IFI16: variants seen among roughly 807,000 people sequenced by gnomAD.
IFI16 encodes interferon gamma inducible protein 16, also known as gamma-interferon-inducible protein 16.
In IFI16, 49 loss-of-function variants were observed where a neutral mutation model predicts 68.4. That is an observed-to-expected ratio of 0.72 (90% CI 0.57 to 0.91). The LOEUF (loss-of-function observed/expected upper bound fraction) is 0.91. Among genes scored for constraint, IFI16 ranks in the 40% least tolerant of loss-of-function variants. The pLI, the probability that IFI16 is intolerant of heterozygous loss-of-function variation, is 0.00. For synonymous variants in IFI16, 307 were observed against 315.0 expected, an observed-to-expected ratio of 0.97 and a Z score of 0.27; for missense variants, 878 against 942.9, an observed-to-expected ratio of 0.93 and a Z score of 0.90.
chr1:159,017,758 C>T (rs1242234564), intron 4 of IFI16, among the ~76,000 whole-genome samples: 1 of 152,138 alleles, frequency 6.6e-6, no homozygotes, highest in Non-Finnish European at 1.5e-5. Flanking sequence ...CAAGCGCCTG[C>T]CACTACACTC....
Position 159,016,580 on chromosome 1 carries a change from G to T in IFI16, c.429G>T (p.Lys143Asn), listed in dbSNP as rs1311408005. ...AAAAGGCTGGACCCAAAGGGAGTAA[G>T]GTGTCCGAGGAACAGACTCAGCCTC... is the stretch of plus-strand genomic sequence containing the variant. ...TKEKAGPKGSKVSEEQTQPPS... is the reference protein window; with the variant it reads ...TKEKAGPKGSNVSEEQTQPPS... Residue 143 changes from lysine to asparagine, a missense_variant, in exon 4 of 12, where the codon AAG becomes AAT. Lys to Asn is a moderately conservative substitution (Grantham distance 94). Coordinates refer to ENST00000295809, the MANE Select transcript of IFI16 (RefSeq NM_001376587.1). 1.2e-6 allele frequency: 2 copies of T among 1,614,160 alleles called. No homozygotes were observed. The highest frequency in any genetic ancestry group is 1.7e-6 in the Non-Finnish European group (2 of 1,180,022).
At chr1:159,007,948 C>A (rs775568047), upstream of IFI16, among the ~76,000 whole-genome samples, 81 of 152,150 alleles carry the variant, frequency 5.3e-4, no homozygotes, top group Non-Finnish European at 9.6e-4. Context: ...TCATGAAAAA[C>A]CAGTGTGCAA....
Position 159,045,555 on chromosome 1 carries a change from C to G in IFI16, c.1497+91C>G, listed in dbSNP as rs1187929965. The G allele has an allele frequency of 1.2e-5, 17 of 1,435,236 alleles. 1 individual carries two copies. The highest frequency in any genetic ancestry group is 1.1e-4 in the South Asian group (9 of 78,810). 88.9% of individuals were successfully genotyped at this position (1,435,236 alleles called of 1,614,324 possible). A position where few individuals can be genotyped will look rare whatever the true frequency, so the allele number is the denominator to read the frequency against. The stretch of plus-strand genomic sequence containing the variant: ...TTGAAAGCACCTCACCAATCCCCTA[C>G]TACATACAATGCTTTAATTTAACCA... On this transcript the variant is annotated intron_variant, in intron 8 of 11. Transcript: ENST00000295809.
intron 6 of IFI16, 120 bp downstream of exon 6, chr1:159,020,649 A>T (rs1653253834): frequency 1.2e-5 from 7 of 601,784 alleles, no homozygotes; most frequent in Non-Finnish European, 2.0e-5. Flanking sequence ...GAGAAAACAG[A>T]TATTCTCCTT....
chr1:159,000,174 T>A lies in IFI16; in HGVS notation c.-401T>A, dbSNP rs900437821. On this transcript the variant is annotated 5_prime_UTR_variant, in exon 1 of 3. Coordinates refer to the IFI16 transcript ENST00000566111. ...CAGCGTTTTAAATCAAGTTGGCTACTCGTGCTGTTTAGAGTATGCAGTTTG... is the reference window on the plus strand; with the variant it reads ...CAGCGTTTTAAATCAAGTTGGCTACACGTGCTGTTTAGAGTATGCAGTTTG... 3 of 209,920 alleles carry A rather than the reference T, an allele frequency of 1.4e-5. No individual in the cohort carries two copies. In the Admixed American group the frequency reaches 1.5e-4, roughly 11 times the overall value. 13.0% of individuals were successfully genotyped at this position (209,920 alleles called of 1,614,324 possible). A position where few individuals can be genotyped will look rare whatever the true frequency, so the allele number is the denominator to read the frequency against.
At chr1:159,050,313 G>A (rs946304643) in intron 9 of IFI16, among the ~76,000 whole-genome samples, 3 of 152,004 alleles carry the variant, frequency 2.0e-5, no homozygotes, top group Admixed American at 6.6e-5. Context: ...TATTTACAAC[G>A]AACATAATAA....
chr1:159,038,745 T>G (rs1451036043), intron 7 of IFI16, among the ~76,000 whole-genome samples: 1 of 152,198 alleles, frequency 6.6e-6, no homozygotes, highest in Non-Finnish European at 1.5e-5. Context: ...ATCCTTTCTT[T>G]AACAAGGTAT....
At chr1:159,007,240 A>T (rs1319422231), upstream of IFI16, among the ~76,000 whole-genome samples, 8 of 152,230 alleles carry the variant, frequency 5.3e-5, no homozygotes, top group African/African-American at 1.7e-4. Flanking sequence ...AGGCTTTGGG[A>T]AAATCAGATT....
rs373066316 is a variant in IFI16, at chr1:159,051,970, G to A, written c.1957G>A (p.Val653Met). 1.1e-5 allele frequency: 17 copies of A among 1,613,998 alleles called. No individual in the cohort carries two copies. Among genetic ancestry groups the A allele is most frequent in the Non-Finnish European group, 1.4e-5 (17 of 1,179,972 alleles). Residue 653 changes from valine to methionine, a missense_variant, in exon 10 of 12, where the codon GTG becomes ATG. Transcript: ENST00000295809. ...EVYPFTLVAD[V>M]NADRNMEIPK... ...ATATCCTTTCACACTTGTGGCTGAT[G>A]TGAATGCTGACCGAAACATGGAGAT...
At chr1:159,030,701 G>A (rs1298503136) in intron 6 of IFI16, among the ~76,000 whole-genome samples, 1 of 152,220 alleles carries the variant, frequency 6.6e-6, no homozygotes, top group Non-Finnish European at 1.5e-5. Flanking sequence ...GGGCAGTGAA[G>A]TGAACTCCAT....
Position 159,049,497 on chromosome 1 carries a change from T to C in IFI16, c.1563T>C (p.Ser521=). The change falls in exon 9 of 12, where the codon AGT becomes AGC. Residue 521 remains serine (S), a synonymous_variant. Transcript: ENST00000295809. Reference sequence around the variant, plus strand: ...GGATGCAGATACTGAAGGAAGGGAGTCATTTTCCAGGACCGTTCATGACCA... The same window carrying C: ...GGATGCAGATACTGAAGGAAGGGAGCCATTTTCCAGGACCGTTCATGACCA... The part of the protein sequence containing the change: ...FMRMQILKEG[S]HFPGPFMTSI... The C allele has an allele frequency of 6.3e-7, 1 of 1,577,306 alleles. No individual in the cohort carries two copies. Among genetic ancestry groups the C allele is most frequent in the African/African-American group, 1.4e-5 (1 of 70,350 alleles).
At chr1:159,028,971 T>C (rs1653832822) in intron 6 of IFI16, among the ~76,000 whole-genome samples, 1 of 152,230 alleles carries the variant, frequency 6.6e-6, no homozygotes, top group Admixed American at 6.5e-5. Context: ...GTGGAGCATT[T>C]TGGCCATTTA....
At chr1:159,041,031 G>A (rs927178299) in intron 7 of IFI16, among the ~76,000 whole-genome samples, 1 of 152,166 alleles carries the variant, frequency 6.6e-6, no homozygotes, top group Non-Finnish European at 1.5e-5. Context: ...GGAGGTCCAC[G>A]AGAGTGGCCA....
intron 10 of IFI16, chr1:159,052,960 T>C (rs1227192714): frequency 1.3e-5 from 2 of 152,394 alleles, no homozygotes; most frequent in South Asian, 2.1e-4. Flanking sequence ...TGTACATATA[T>C]ATGTGGTTGT....
intron 6 of IFI16, among the ~76,000 whole-genome samples, chr1:159,027,881 C>T (rs1354190158): frequency 1.3e-5 from 2 of 151,988 alleles, no homozygotes; most frequent in Admixed American, 1.3e-4. Context: ...TTTAATTGAA[C>T]TTATTTTGAT....
At chr1:159,051,253 G>T (rs1277767087) in intron 9 of IFI16, among the ~76,000 whole-genome samples, 1 of 152,024 alleles carries the variant, frequency 6.6e-6, no homozygotes, top group Non-Finnish European at 1.5e-5. Flanking sequence ...CAGGACAGCT[G>T]CCTCCACGGA....
intron 6 of IFI16, among the ~76,000 whole-genome samples, chr1:159,031,814 C>G (rs565624008): frequency 1.3e-5 from 2 of 152,186 alleles, no homozygotes; most frequent in African/African-American, 4.8e-5. Context: ...TCATAGGCTT[C>G]AAAAGGATAT....
chr1:159,044,234 G>A (rs1369544728), intron 7 of IFI16, among the ~76,000 whole-genome samples: 11 of 152,100 alleles, frequency 7.2e-5, no homozygotes, highest in East Asian at 3.8e-4. Flanking sequence ...GGGTCACACA[G>A]ATAGTATTAG....
rs935682249 is a variant in IFI16 at position 159,054,874 on chromosome 1, G to A, written c.2331G>A (p.Met777Ile). 2.5e-6 allele frequency: 4 copies of A among 1,602,392 alleles called. No individual in the cohort carries two copies. Among genetic ancestry groups the A allele is most frequent in the Non-Finnish European group, 3.4e-6 (4 of 1,171,118 alleles). The change falls in exon 12 of 12, where the codon ATG becomes ATA. Residue 777 changes from methionine (M) to isoleucine (I), a missense_variant. Physicochemically the swap from Met to Ile is conservative, Grantham distance 10. Transcript: ENST00000295809. ...ACATACTCAATCCTGATTCAAGTAT[G>A]GAAACTTCACCAGACTTTTTCTTCT... Reference protein sequence around the residue: ...KKDILNPDSSMETSPDFFF With the variant: ...KKDILNPDSSIETSPDFFF
Sources: allele counts gnomAD v4.1 joint callset (sites outside exome capture counted in the v4.1 genomes callset), GRCh38; gene constraint gnomAD v4.1.1; transcripts MANE v1.5; gene names NCBI Gene and HGNC (gene_info 2026-07-23, HGNC 2026-07-21).